The following PID1 variants were observed in gnomAD, a reference collection of about 807,000 sequenced individuals.
The protein encoded by PID1 is phosphotyrosine interaction domain containing 1, also known as PTB-containing, cubilin and LRP1-interacting protein.
A neutral mutation model predicts 19.1 loss-of-function variants in PID1; 10 were observed. The observed-to-expected ratio is 0.52, with a 90% CI of 0.32 to 0.89. The LOEUF is 0.89. Ranked by LOEUF, PID1 falls within the 40% of genes least tolerant of loss-of-function variation. The pLI, the probability that PID1 is intolerant of heterozygous loss-of-function variation, is 0.03. For synonymous variants in PID1, 130 were observed against 116.0 expected, an observed-to-expected ratio of 1.12 and a Z score of -0.78; for missense variants, 248 against 285.3, an observed-to-expected ratio of 0.87 and a Z score of 0.94.
intron 2 of PID1, among the ~76,000 whole-genome samples, chr2:229,139,138 A>AAGC (rs1689954629): frequency 1.7e-5 from 2 of 116,626 alleles, no homozygotes. Flanking sequence ...AGAAAGAAAG[A>AAGC]AAGAAAGAAA....
At chr2:229,143,693 T>G (rs6436852) in intron 2 of PID1, among the ~76,000 whole-genome samples, 22,215 of 152,054 alleles carry the variant, frequency 0.15, 2,040 homozygotes, top group East Asian at 0.28. Flanking sequence ...GGACCTAGTG[T>G]GAGGTGACTG....
chr2:229,231,850 A>C (rs1048254666), intron 1 of PID1: 1 of 1,543,848 alleles, frequency 6.5e-7, no homozygotes, highest in Non-Finnish European at 8.7e-7. Flanking sequence ...TCCTTGTCTT[A>C]ATCTGTTTGT....
chr2:229,242,830 C>T (rs1689905724), intron 1 of PID1, among the ~76,000 whole-genome samples: 1 of 152,032 alleles, frequency 6.6e-6, no homozygotes, highest in South Asian at 2.1e-4. Context: ...TGTGCTATAG[C>T]CCAGTTGTGC....
chr2:229,184,479 G>A lies in PID1; in HGVS notation c.31-28515C>T, dbSNP rs1309635550. 1.8e-4 allele frequency among the ~76,000 whole-genome samples: 2 copies of A among 11,190 alleles called. 1 individual carries two copies. Among genetic ancestry groups the A allele is most frequent in the Non-Finnish European group, 2.8e-4 (2 of 7,188 alleles). The allele number at this position is 11,190 out of a possible 152,430, so 7.3% of individuals were successfully genotyped here. A position where few individuals can be genotyped will look rare whatever the true frequency, so the allele number is the denominator to read the frequency against. ...TATATAGCCCGTATATATATATCCC[G>A]TATATATATATACCGTATATATATA... is the stretch of plus-strand genomic sequence containing the variant. On this transcript the variant is annotated intron_variant, in intron 1 of 2. Coordinates refer to ENST00000392055, the MANE Select transcript of PID1 (RefSeq NM_001100818.2).
intron 2 of PID1, among the ~76,000 whole-genome samples, chr2:229,096,610 A>T (rs1694975395): frequency 6.6e-6 from 1 of 152,156 alleles, no homozygotes; most frequent in South Asian, 2.1e-4. Context: ...TTTCCCTTCT[A>T]GTGGTTGAGC....
At chr2:229,270,743 G>T (rs2106299162) in intron 1 of PID1, among the ~76,000 whole-genome samples, 1 of 151,088 alleles carries the variant, frequency 6.6e-6, no homozygotes, top group South Asian at 2.1e-4. Flanking sequence ...CAGTCAGAAA[G>T]TCCAACCTTA....
chr2:229,140,401 G>A (rs1336271991), intron 2 of PID1, among the ~76,000 whole-genome samples: 1 of 152,038 alleles, frequency 6.6e-6, no homozygotes, highest in Non-Finnish European at 1.5e-5. Context: ...TCACTGCAGT[G>A]AAGTTATGGA....
intron 2 of PID1, among the ~76,000 whole-genome samples, chr2:229,079,523 T>A (rs937071291): frequency 6.6e-6 from 1 of 152,220 alleles, no homozygotes; most frequent in African/African-American, 2.4e-5. Context: ...AGTTCCATTT[T>A]GGTTTCTACA....
At chr2:229,126,290 C>T (rs1695620996) in intron 2 of PID1, among the ~76,000 whole-genome samples, 1 of 152,020 alleles carries the variant, frequency 6.6e-6, no homozygotes, top group Non-Finnish European at 1.5e-5. Flanking sequence ...CATTTGGAGC[C>T]AAGGCACTGA....
intron 1 of PID1, among the ~76,000 whole-genome samples, chr2:229,177,943 A>G (rs969327155): frequency 6.6e-6 from 1 of 152,142 alleles, no homozygotes; most frequent in Non-Finnish European, 1.5e-5. Context: ...CTCAAAATCA[A>G]AATGCCCCAA....
chr2:229,134,876 A>C (rs1689827760), intron 2 of PID1, among the ~76,000 whole-genome samples: 1 of 152,146 alleles, frequency 6.6e-6, no homozygotes, highest in Admixed American at 6.5e-5. Flanking sequence ...TCACAGGTTA[A>C]TGTATATTAC....
rs534001342 is a variant in PID1 at position 229,131,556 on chromosome 2, T to C, written c.177+24262A>G. 1.5e-4 allele frequency among the ~76,000 whole-genome samples: 23 copies of C among 152,296 alleles called. 1 individual carries two copies. In the South Asian group the frequency reaches 3.1e-3, roughly 21 times the overall value. On this transcript the variant is annotated intron_variant, in intron 2 of 2. Transcript: ENST00000392055. ...ACATTTTTCTATGAGAACAAAGTCA[T>C]GTGAAAAGAGTAAAGAATCTCCACA...
Position 229,166,414 on chromosome 2 carries a change from A to G in PID1, c.31-10450T>C, listed in dbSNP as rs74885101. Among the ~76,000 whole-genome samples the G allele has an allele frequency of 4.4e-3, 663 of 152,306 alleles. 5 individuals carry two copies. The highest frequency in any genetic ancestry group is 0.015 in the African/African-American group (632 of 41,558). ...ACCAACTTGTGCACTTTACATATGC[A>G]TGGTTTATTATATGTCGAGTATACC... On this transcript the variant is annotated intron_variant, in intron 1 of 2. Transcript: ENST00000392055.
intron 1 of PID1, among the ~76,000 whole-genome samples, chr2:229,262,235 A>C (rs2106292590): frequency 6.6e-6 from 1 of 152,202 alleles, no homozygotes; most frequent in East Asian, 1.9e-4. Context: ...TCCACCTCAA[A>C]GTAACTGTGT....
At chr2:229,173,354 G>C (rs1297539084) in intron 1 of PID1, among the ~76,000 whole-genome samples, 1 of 152,118 alleles carries the variant, frequency 6.6e-6, no homozygotes, top group Non-Finnish European at 1.5e-5. Context: ...CTTTGTGTTT[G>C]GTCTGTTTGT....
intron 1 of PID1, among the ~76,000 whole-genome samples, chr2:229,169,281 C>A (rs1000297788): frequency 1.3e-5 from 2 of 152,038 alleles, no homozygotes; most frequent in African/African-American, 2.4e-5. Flanking sequence ...CTTTTGGGAG[C>A]CCCTGTTTTC....
chr2:229,025,267 A>C lies in PID1; in HGVS notation c.*365T>G. ...GCCCCTAACATTCTTGTGGAATTTC[A>C]TAAGGCAGATCGGAATGGCCCATCC... On this transcript the variant is annotated 3_prime_UTR_variant, in exon 3 of 3. Transcript: ENST00000392055. 1 of 218,032 alleles carries C rather than the reference A, an allele frequency of 4.6e-6. No individual in the cohort carries two copies. Among genetic ancestry groups the C allele is most frequent in the Non-Finnish European group, 9.4e-6 (1 of 106,810 alleles). The allele number at this position is 218,032 out of a possible 1,614,324, so 13.5% of individuals were successfully genotyped here.
chr2:229,271,148 G>T lies in PID1; in HGVS notation c.-105C>A. ...TTTACATCTGGGGTCGGTGTCCGCGGGATGTGCGTCCTGGCGCTGGCCACC... is the reference window on the plus strand; with the variant it reads ...TTTACATCTGGGGTCGGTGTCCGCGTGATGTGCGTCCTGGCGCTGGCCACC... On this transcript the variant is annotated 5_prime_UTR_variant, in exon 1 of 3. Coordinates refer to ENST00000392055, the MANE Select transcript of PID1 (RefSeq NM_001100818.2). 7.6e-7 allele frequency: 1 copy of T among 1,310,110 alleles called. No individual in the cohort carries two copies. Among genetic ancestry groups the T allele is most frequent in the South Asian group, 1.3e-5 (1 of 74,176 alleles). The allele number at this position is 1,310,110 out of a possible 1,614,324, so 81.2% of individuals were successfully genotyped here.
intron 2 of PID1, among the ~76,000 whole-genome samples, chr2:229,118,837 A>G (rs1355681547): frequency 1.3e-5 from 2 of 152,222 alleles, no homozygotes; most frequent in Non-Finnish European, 2.9e-5. Flanking sequence ...GAGAAAAAAA[A>G]CAAAACAAAA....
Sources: allele counts gnomAD v4.1 joint callset (sites outside exome capture counted in the v4.1 genomes callset), GRCh38; gene constraint gnomAD v4.1.1; transcripts MANE v1.5; gene names NCBI Gene and HGNC (gene_info 2026-07-23, HGNC 2026-07-21).